UMAD1: variants seen among roughly 807,000 people sequenced by gnomAD.
UMAD1 encodes the protein UBAP1-MVB12-associated (UMA) domain containing 1, also known as UBAP1-MVB12-associated (UMA)-domain containing protein 1.
UMAD1 carries 8 observed loss-of-function variants against 6.1 expected under a neutral mutation model. That is an observed-to-expected ratio of 1.30 (90% CI 0.76 to 2.35). The LOEUF (loss-of-function observed/expected upper bound fraction) is 2.35, where lower values mean the gene tolerates loss of function less well. Ranked by LOEUF, UMAD1 falls within the 30% of genes most tolerant of loss-of-function variation. The pLI, the probability that UMAD1 is intolerant of heterozygous loss-of-function variation, is 0.00. For missense variants in UMAD1, 130 were observed against 78.4 expected, an observed-to-expected ratio of 1.66 and a Z score of -2.49; for synonymous variants, 56 against 31.4, an observed-to-expected ratio of 1.78 and a Z score of -2.61.
intron 2 of UMAD1, chr7:7,687,334 C>T (rs961647454): frequency 6.6e-6 from 1 of 152,220 alleles, no homozygotes. Flanking sequence ...CAGATCTGCA[C>T]TGACAAAAGG....
intron 2 of UMAD1, chr7:7,742,017 A>G: frequency 2.9e-6 from 1 of 344,056 alleles, no homozygotes; most frequent in South Asian, 3.2e-5. Flanking sequence ...TTTTTAAATG[A>G]ATACTGATGT....
At chr7:7,813,905 G>C (rs1783073305) in intron 3 of UMAD1, among the ~76,000 whole-genome samples, 1 of 152,184 alleles carries the variant, frequency 6.6e-6, no homozygotes, top group Non-Finnish European at 1.5e-5. Flanking sequence ...TTATGGAGGT[G>C]TTACTAAGGC....
At chr7:7,731,492 A>ACCC (rs143551600) in intron 2 of UMAD1, among the ~76,000 whole-genome samples, 4 of 111,086 alleles carry the variant, frequency 3.6e-5, no homozygotes, top group Admixed American at 3.5e-4. Context: ...ACCCCCCCCC[A>ACCC]AAAAAAAAAC....
chr7:7,846,929 A>G (rs1783795004), intron 3 of UMAD1, among the ~76,000 whole-genome samples: 1 of 129,826 alleles, frequency 7.7e-6, no homozygotes, highest in African/African-American at 3.1e-5. Context: ...GGGGGTAGGG[A>G]TAGCATTGGG....
chr7:7,685,788 G>A (rs958257765), intron 2 of UMAD1: 1 of 152,094 alleles, frequency 6.6e-6, no homozygotes, highest in Non-Finnish European at 1.5e-5. Flanking sequence ...AAATTTAAGT[G>A]TTTTCTTCCT....
intron 1 of UMAD1, among the ~76,000 whole-genome samples, chr7:7,655,149 A>G (rs1583698055): frequency 6.6e-6 from 1 of 152,110 alleles, no homozygotes; most frequent in South Asian, 2.1e-4. Context: ...AGTAGCTGGC[A>G]GTTGAGATTA....
At chr7:7,667,109 G>A (rs1262627042) in intron 1 of UMAD1, among the ~76,000 whole-genome samples, 1 of 152,174 alleles carries the variant, frequency 6.6e-6, no homozygotes, top group Non-Finnish European at 1.5e-5. Context: ...GCGCCCGGCT[G>A]ACAGGTGAAT....
At chr7:7,865,420 A>T (rs1305749730) in intron 3 of UMAD1, among the ~76,000 whole-genome samples, 1 of 152,194 alleles carries the variant, frequency 6.6e-6, no homozygotes, top group African/African-American at 2.4e-5. Context: ...GTGACTAAAA[A>T]CAATATAGAC....
At chr7:7,789,731 T>C (rs1013260317) in intron 2 of UMAD1, among the ~76,000 whole-genome samples, 1 of 152,230 alleles carries the variant, frequency 6.6e-6, no homozygotes, top group East Asian at 1.9e-4. Flanking sequence ...TGTGACTGGC[T>C]TATTTTACTT....
At chr7:7,696,797 A>G (rs1780330101) in intron 2 of UMAD1, among the ~76,000 whole-genome samples, 4 of 151,984 alleles carry the variant, frequency 2.6e-5, no homozygotes, top group Admixed American at 1.3e-4. Context: ...GGCCCTGTGA[A>G]ACCACACTAA....
At chr7:7,683,398 C>T (rs1779960177) in intron 2 of UMAD1, among the ~76,000 whole-genome samples, 1 of 152,128 alleles carries the variant, frequency 6.6e-6, no homozygotes. Flanking sequence ...CACTACAGTT[C>T]ACTCTCTAAT....
intron 3 of UMAD1, among the ~76,000 whole-genome samples, chr7:7,847,105 ATATATATATATATATATATATATATAT>A (rs1437826583): frequency 0.11 from 498 of 4,510 alleles, 41 homozygotes; most frequent in South Asian, 0.23. Context: ...AAAAAAAAAA[ATATATATATATATATATATATATATAT>A]ATATATATAT....
At chr7:7,849,481 G>C (rs1010749571) in intron 3 of UMAD1, among the ~76,000 whole-genome samples, 3 of 152,260 alleles carry the variant, frequency 2.0e-5, no homozygotes, top group South Asian at 2.1e-4. Context: ...GTGGCCAAGA[G>C]CAAGACAGGT....
chr7:7,737,600 A>G (rs1275330081), intron 2 of UMAD1, among the ~76,000 whole-genome samples: 1 of 152,246 alleles, frequency 6.6e-6, no homozygotes, highest in African/African-American at 2.4e-5. Flanking sequence ...CATTTCACCT[A>G]TGACAGTTTA....
At chr7:7,800,457 A>T (rs1782776570) in intron 2 of UMAD1, among the ~76,000 whole-genome samples, 1 of 151,888 alleles carries the variant, frequency 6.6e-6, no homozygotes, top group South Asian at 2.1e-4. Context: ...TTTTTATTGC[A>T]ATAGGTTTTG....
chr7:7,735,940 A>G (rs1365315230), intron 2 of UMAD1: 1 of 152,320 alleles, frequency 6.6e-6, no homozygotes, highest in African/African-American at 2.4e-5. Context: ...TTGTTTGTCC[A>G]TGATTAGAGA....
At chr7:7,757,010 A>G (rs1049058081) in intron 2 of UMAD1, among the ~76,000 whole-genome samples, 9 of 152,210 alleles carry the variant, frequency 5.9e-5, no homozygotes, top group African/African-American at 2.2e-4. Context: ...TGGTAAACTA[A>G]TATGCTCCTT....
intron 2 of UMAD1, among the ~76,000 whole-genome samples, chr7:7,705,486 A>G (rs944898887): frequency 1.3e-5 from 2 of 152,180 alleles, no homozygotes; most frequent in African/African-American, 4.8e-5. Context: ...CCCAGTGTTT[A>G]TATTCAGTGT....
At chr7:7,650,718 G>A (rs1328962080) in intron 1 of UMAD1, among the ~76,000 whole-genome samples, 1 of 152,196 alleles carries the variant, frequency 6.6e-6, no homozygotes, top group Admixed American at 6.5e-5. Context: ...TACTAATCCA[G>A]CCATTCTGCA....
Sources: gnomAD v4.1 joint callset for allele counts (sites outside exome capture counted in the v4.1 genomes callset) on GRCh38, gnomAD v4.1.1 for gene constraint, MANE v1.5 for transcripts, NCBI Gene and HGNC (gene_info 2026-07-23, HGNC 2026-07-21) for gene names.